GNB4: variants seen among roughly 807,000 people sequenced by gnomAD.
The protein encoded by GNB4 is G protein subunit beta 4, also known as guanine nucleotide-binding protein subunit beta-4.
GNB4 carries 28 observed loss-of-function variants against 45.2 expected under a neutral mutation model. The ratio of observed to expected loss-of-function variants is 0.62; its 90% CI spans 0.46 to 0.85. The LOEUF (loss-of-function observed/expected upper bound fraction) is 0.85. GNB4 is among the 40% of genes least tolerant of loss of function. The pLI is 0.00. For synonymous variants in GNB4, 132 were observed against 143.7 expected (o/e 0.92, Z 0.58); for missense variants, 321 against 425.4 (o/e 0.75, Z 2.16).
chr3:179,408,912 TAAGAC>T (rs1477503633), intron 8 of GNB4, among the ~76,000 whole-genome samples: 5 of 151,180 alleles, frequency 3.3e-5, no homozygotes, highest in African/African-American at 1.2e-4. Flanking sequence ...TCTGGGAGGC[TAAGAC>T]AAAAGATCAC....
the GNB4 span, among the ~76,000 whole-genome samples, chr3:179,470,220 A>C: frequency 6.6e-6 from 1 of 152,004 alleles, no homozygotes; most frequent in African/African-American, 2.4e-5. Flanking sequence ...ATACTCCTAC[A>C]ACTTATAAAA....
the GNB4 span, chr3:179,464,511 G>A: frequency 1.2e-4 from 186 of 1,611,864 alleles, 3 homozygotes; most frequent in African/African-American, 2.1e-3. Context: ...AGTGCGGCAG[G>A]AGGTAGAAGA....
chr3:179,454,491 G>A (rs1317184564), upstream of GNB4, among the ~76,000 whole-genome samples: 1 of 152,088 alleles, frequency 6.6e-6, no homozygotes, highest in African/African-American at 2.4e-5. Context: ...TCTTTTGCAG[G>A]GTGTTTTGCT....
chr3:179,472,970 T>C, the GNB4 span, among the ~76,000 whole-genome samples: 1 of 152,204 alleles, frequency 6.6e-6, no homozygotes, highest in Non-Finnish European at 1.5e-5. Context: ...GAGACCATCC[T>C]GGCTAACACA....
At chr3:179,455,127 G>T (rs554694272), upstream of GNB4, among the ~76,000 whole-genome samples, 2 of 152,246 alleles carry the variant, frequency 1.3e-5, no homozygotes, top group South Asian at 2.1e-4. Flanking sequence ...TTCCACTCAG[G>T]TTCTCGTTAA....
At chr3:179,441,733 T>C (rs13078082) in intron 1 of GNB4, among the ~76,000 whole-genome samples, 65,435 of 145,324 alleles carry the variant, frequency 0.45, 14,744 homozygotes, top group Admixed American at 0.52. Context: ...GACTGGGTGA[T>C]AGAGTGAGAC....
At chr3:179,409,936 C>T (rs1343219292) in intron 8 of GNB4, among the ~76,000 whole-genome samples, 1 of 152,072 alleles carries the variant, frequency 6.6e-6, no homozygotes, top group African/African-American at 2.4e-5. Context: ...CAAATCCCCA[C>T]GTGTTGTGAG....
upstream of GNB4, among the ~76,000 whole-genome samples, chr3:179,454,089 C>G (rs1314338230): frequency 6.6e-6 from 1 of 152,128 alleles, no homozygotes; most frequent in Non-Finnish European, 1.5e-5. Context: ...TTTCTGATGC[C>G]TGCTGGTTTG....
intron 1 of GNB4, among the ~76,000 whole-genome samples, chr3:179,444,237 C>T (rs991075902): frequency 2.0e-5 from 3 of 151,972 alleles, no homozygotes; most frequent in Admixed American, 6.6e-5. Flanking sequence ...TTTTTTCCCC[C>T]CAAAGAGTTT....
At chr3:179,429,086 C>T (rs1266817346) in intron 1 of GNB4, among the ~76,000 whole-genome samples, 1 of 152,226 alleles carries the variant, frequency 6.6e-6, no homozygotes, top group Non-Finnish European at 1.5e-5. Flanking sequence ...CCTTCCTGCA[C>T]ATTCTGGCTG....
At chr3:179,473,684 C>G in the GNB4 span, among the ~76,000 whole-genome samples, 4 of 152,238 alleles carry the variant, frequency 2.6e-5, no homozygotes, top group Non-Finnish European at 5.9e-5. Context: ...CGTTCTGTTT[C>G]TCTATTTTGA....
chr3:179,414,829 C>T (rs555237388), intron 6 of GNB4, 56 bp downstream of exon 6: 9 of 1,405,612 alleles, frequency 6.4e-6, no homozygotes, highest in East Asian at 4.7e-5. Context: ...TGTCCTTGAT[C>T]AGCACATTCC....
At chr3:179,497,718 TG>T in the GNB4 span, among the ~76,000 whole-genome samples, 28 of 151,494 alleles carry the variant, frequency 1.8e-4, no homozygotes, top group Admixed American at 6.6e-4. Flanking sequence ...TTAAAAAAGA[TG>T]AAAAAAACGA....
At chr3:179,464,416 G>C in the GNB4 span, 1 of 1,413,998 alleles carries the variant, frequency 7.1e-7, no homozygotes, top group Non-Finnish European at 1.0e-6. Context: ...TGCTCCCTCT[G>C]CCCTCGCCCC....
chr3:179,431,277 C>T (rs997938307), intron 1 of GNB4, among the ~76,000 whole-genome samples: 13 of 152,120 alleles, frequency 8.5e-5, no homozygotes, highest in African/African-American at 3.1e-4. Context: ...AAATCATCAG[C>T]CAGGTGCAGT....
At chr3:179,494,627 G>A in the GNB4 span, among the ~76,000 whole-genome samples, 1 of 151,644 alleles carries the variant, frequency 6.6e-6, no homozygotes, top group Non-Finnish European at 1.5e-5. Context: ...AGGAAGGAAG[G>A]GGCCAGGCGC....
At chr3:179,488,984 C>CAAAA in the GNB4 span, among the ~76,000 whole-genome samples, 4 of 18,692 alleles carry the variant, frequency 2.1e-4, 1 homozygote, top group Non-Finnish European at 2.7e-4. Context: ...ATCCTGTATC[C>CAAAA]AAAAAAAAAA....
chr3:179,518,576 A>G, the GNB4 span, among the ~76,000 whole-genome samples: 2 of 151,942 alleles, frequency 1.3e-5, no homozygotes, highest in East Asian at 1.9e-4. Context: ...CGCCCACCCT[A>G]TAGTCCTTTT....
At chr3:179,522,750 G>T in the GNB4 span, among the ~76,000 whole-genome samples, 2 of 152,228 alleles carry the variant, frequency 1.3e-5, no homozygotes, top group Non-Finnish European at 2.9e-5. Context: ...TGGAGTGAAT[G>T]TCAGGTGGAT....
Sources: gnomAD v4.1 joint callset for allele counts (sites outside exome capture counted in the v4.1 genomes callset) on GRCh38, gnomAD v4.1.1 for gene constraint, MANE v1.5 for transcripts, NCBI Gene and HGNC (gene_info 2026-07-23, HGNC 2026-07-21) for gene names.